Variants in MED27 observed in about 807,000 individuals in gnomAD.
MED27 encodes mediator of RNA polymerase II transcription subunit 27.
MED27 carries 30 observed loss-of-function variants against 38.2 expected under a neutral mutation model. That is an observed-to-expected ratio of 0.79 (90% CI 0.59 to 1.07). The LOEUF is 1.07. Among genes scored for constraint, MED27 ranks in the 50% least tolerant of loss-of-function variants. The pLI is 0.00. For missense variants in MED27, 289 were observed against 397.5 expected, an observed-to-expected ratio of 0.73 and a Z score of 2.32; for synonymous variants, 122 against 153.5, an observed-to-expected ratio of 0.79 and a Z score of 1.52.
chr9:131,979,583 C>T (rs781042088), intron 3 of MED27, among the ~76,000 whole-genome samples: 33 of 151,832 alleles, frequency 2.2e-4, no homozygotes, highest in South Asian at 6.2e-4. Flanking sequence ...ATCTGCCATC[C>T]GCCTTGCAGA....
chr9:132,025,846 G>A (rs573984649), intron 2 of MED27, among the ~76,000 whole-genome samples: 4 of 152,278 alleles, frequency 2.6e-5, no homozygotes, highest in South Asian at 4.1e-4. Context: ...AGTGTTAATC[G>A]GCTGAGATTG....
chr9:131,936,282 T>C (rs1304858046), intron 4 of MED27, among the ~76,000 whole-genome samples: 2 of 152,048 alleles, frequency 1.3e-5, no homozygotes, highest in African/African-American at 4.8e-5. Context: ...GAGATAGGGA[T>C]AGGTGTCCCC....
At chr9:131,912,514 G>C (rs79497147) in intron 4 of MED27, among the ~76,000 whole-genome samples, 5,019 of 152,134 alleles carry the variant, frequency 0.033, 292 homozygotes, top group African/African-American at 0.11. Context: ...CAGGCAAAAA[G>C]GTGACAGCAA....
chr9:132,013,064 G>A (rs752960139), intron 3 of MED27, among the ~76,000 whole-genome samples: 3 of 152,152 alleles, frequency 2.0e-5, no homozygotes, highest in Non-Finnish European at 4.4e-5. Flanking sequence ...AACGCTTCTC[G>A]GGCATCTGGC....
chr9:131,920,653 G>A (rs577949490), intron 4 of MED27, among the ~76,000 whole-genome samples: 17 of 152,336 alleles, frequency 1.1e-4, no homozygotes, highest in African/African-American at 4.1e-4. Flanking sequence ...AAGGAGATAA[G>A]GAGTTGGGGT....
At position 132,034,812 on chromosome 9, in the gene MED27, T is replaced by C. The variant is rs1833039677; in HGVS notation, c.349-20345A>G. ...AACTCAAGGTTAGGGGGATGTGACA[T>C]GTAGGTCTTCATTATAAAACATCAA... On this transcript the variant is annotated intron_variant, in intron 2 of 7. Transcript: ENST00000292035. 6.6e-5 allele frequency among the ~76,000 whole-genome samples: 10 copies of C among 152,300 alleles called. 1 individual carries two copies. In the South Asian group the frequency reaches 2.1e-3, roughly 32 times the overall value.
chr9:132,005,994 G>A (rs1241347005), intron 3 of MED27, among the ~76,000 whole-genome samples: 1 of 152,028 alleles, frequency 6.6e-6, no homozygotes, highest in Non-Finnish European at 1.5e-5. Flanking sequence ...AACTCTTCTA[G>A]AGAGTTATCG....
intron 3 of MED27, among the ~76,000 whole-genome samples, chr9:131,952,669 T>G (rs1831022512): frequency 6.6e-6 from 1 of 152,220 alleles, no homozygotes; most frequent in Admixed American, 6.5e-5. Context: ...GTATTTATCC[T>G]GCCTACAAAT....
intron 4 of MED27, among the ~76,000 whole-genome samples, chr9:131,919,844 T>C (rs972389191): frequency 3.3e-5 from 5 of 150,676 alleles, no homozygotes; most frequent in African/African-American, 9.8e-5. Context: ...GGTCTCACTG[T>C]GTCACCCAGG....
chr9:131,922,557 C>T (rs1830413595), intron 4 of MED27, among the ~76,000 whole-genome samples: 1 of 151,922 alleles, frequency 6.6e-6, no homozygotes, highest in African/African-American at 2.4e-5. Context: ...TCTCCTGCCT[C>T]AGCCTCCTGA....
Position 131,889,454 on chromosome 9 carries a change from T to C in MED27, c.681+4431A>G, listed in dbSNP as rs1186010498. Among the ~76,000 whole-genome samples, 2 of 152,202 alleles carry C rather than the reference T, an allele frequency of 1.3e-5. No individual in the cohort carries two copies. The highest frequency in any genetic ancestry group is 2.9e-5 in the Non-Finnish European group (2 of 68,032). On this transcript the variant is annotated intron_variant, in intron 5 of 7. Transcript: ENST00000292035. This position sits in a 1 kb window ranked among gnomAD's most constrained non-coding sequence, Gnocchi z 4.2. ...ACAATGGCCAGGTATTCATCTTCAATCCTGCCTTTTAACATGCTGAGTCGT... is the reference window on the plus strand; with the variant it reads ...ACAATGGCCAGGTATTCATCTTCAACCCTGCCTTTTAACATGCTGAGTCGT...
intron 4 of MED27, among the ~76,000 whole-genome samples, chr9:131,938,108 A>G (rs979977169): frequency 2.0e-5 from 3 of 152,214 alleles, no homozygotes; most frequent in African/African-American, 7.2e-5. Context: ...AACATTTAAC[A>G]AGCCCAGATC....
At chr9:131,952,653 G>A (rs1448204904) in intron 3 of MED27, among the ~76,000 whole-genome samples, 11 of 152,178 alleles carry the variant, frequency 7.2e-5, no homozygotes, top group Non-Finnish European at 1.5e-5. Context: ...AAGCAGTGAG[G>A]TCAGGGTATT....
chr9:131,979,095 C>T (rs918438628), intron 3 of MED27, among the ~76,000 whole-genome samples: 2 of 152,108 alleles, frequency 1.3e-5, no homozygotes, highest in East Asian at 1.9e-4. Flanking sequence ...AGTGATGAAC[C>T]GCAGAGATGA....
At chr9:132,019,660 A>G (rs1427157160) in intron 2 of MED27, among the ~76,000 whole-genome samples, 3 of 152,240 alleles carry the variant, frequency 2.0e-5, no homozygotes, top group African/African-American at 7.2e-5. Flanking sequence ...AGCCTTAAAG[A>G]GGTCACTGAC....
chr9:131,990,709 C>G (rs1042249112), intron 3 of MED27, among the ~76,000 whole-genome samples: 2 of 152,190 alleles, frequency 1.3e-5, no homozygotes, highest in Non-Finnish European at 2.9e-5. Flanking sequence ...GAAAACCAGT[C>G]TTGTCCCAGG....
intron 4 of MED27, among the ~76,000 whole-genome samples, chr9:131,935,187 CAATTT>C (rs1304953518): frequency 6.6e-6 from 1 of 152,080 alleles, no homozygotes; most frequent in Non-Finnish European, 1.5e-5. Flanking sequence ...CAATCAATAA[CAATTT>C]AATTGTACAT....
At chr9:131,922,673 A>G (rs1156904522) in intron 4 of MED27, among the ~76,000 whole-genome samples, 1 of 151,408 alleles carries the variant, frequency 6.6e-6, no homozygotes, top group Non-Finnish European at 1.5e-5. Context: ...GTTTTAGGGT[A>G]CATGTGCACA....
intron 2 of MED27, among the ~76,000 whole-genome samples, chr9:132,072,247 G>A (rs912252300): frequency 6.6e-6 from 1 of 152,120 alleles, no homozygotes; most frequent in Non-Finnish European, 1.5e-5. Flanking sequence ...CATTTGATGT[G>A]CATTATCTCA....
Sources: allele counts gnomAD v4.1 joint callset (sites outside exome capture counted in the v4.1 genomes callset), GRCh38; gene constraint gnomAD v4.1.1; non-coding constraint Gnocchi (gnomAD v3.1); transcripts MANE v1.5; gene names NCBI Gene and HGNC (gene_info 2026-07-23, HGNC 2026-07-21).